CELF2: variants seen among roughly 807,000 people sequenced by gnomAD.
The protein encoded by CELF2 is CUGBP Elav-like family member 2, also known as CUG triplet repeat RNA-binding protein 2.
CELF2 carries 8 observed loss-of-function variants against 62.6 expected under a neutral mutation model. That is an observed-to-expected ratio of 0.13 (90% CI 0.07 to 0.23). CELF2 has a LOEUF of 0.23. CELF2 is among the 10% of genes least tolerant of loss of function. CELF2 has a pLI of 1.00. For synonymous variants in CELF2, 258 were observed against 250.0 expected, an observed-to-expected ratio of 1.03 and a Z score of -0.30; for missense variants, 333 against 671.0, an observed-to-expected ratio of 0.50 and a Z score of 5.56.
intron 2 of CELF2, among the ~76,000 whole-genome samples, chr10:11,196,388 G>T (rs560260164): frequency 6.6e-6 from 1 of 152,186 alleles, no homozygotes; most frequent in Non-Finnish European, 1.5e-5. Flanking sequence ...GAGGCCAGAC[G>T]TGGTGACTCA....
chr10:10,801,070 GT>G (rs1023809240), intron 1 of CELF2, among the ~76,000 whole-genome samples: 4 of 99,026 alleles, frequency 4.0e-5, no homozygotes, highest in Admixed American at 9.1e-5. Flanking sequence ...GTCTTAACCC[GT>G]TTTTAAAAAA....
At chr10:11,216,022 A>G (rs773771795) in intron 2 of CELF2, among the ~76,000 whole-genome samples, 1 of 152,226 alleles carries the variant, frequency 6.6e-6, no homozygotes, top group Non-Finnish European at 1.5e-5. Flanking sequence ...GAAAATGGTC[A>G]GTCTCTTCAG....
At position 11,243,570 on chromosome 10, in the gene CELF2, C is replaced by T. The variant is rs1306457456; in HGVS notation, c.355-5583C>T. On this transcript the variant is annotated intron_variant, in intron 3 of 12. Transcript: ENST00000633077. This position sits in a 1 kb window ranked among gnomAD's most constrained non-coding sequence, Gnocchi z 4.1. Reference sequence around the variant, plus strand: ...GGCCTTGCGTGAGAGGACCAGAGATCTCCTGTCGTCTTCCAGGCTTGCTGC... The same window carrying T: ...GGCCTTGCGTGAGAGGACCAGAGATTTCCTGTCGTCTTCCAGGCTTGCTGC... Among the ~76,000 whole-genome samples, 1 of 152,228 alleles carries T rather than the reference C, an allele frequency of 6.6e-6. No individual in the cohort carries two copies. The highest frequency in any genetic ancestry group is 2.4e-5 in the African/African-American group (1 of 41,456).
chr10:10,885,419 G>T (rs1225438315), intron 1 of CELF2, among the ~76,000 whole-genome samples: 1 of 151,506 alleles, frequency 6.6e-6, no homozygotes, highest in African/African-American at 2.4e-5. Flanking sequence ...TCTAAATCTA[G>T]AATCTAGGCT....
the CELF2 span, among the ~76,000 whole-genome samples, chr10:10,548,755 T>C: frequency 6.6e-6 from 1 of 152,200 alleles, no homozygotes; most frequent in African/African-American, 2.4e-5. Context: ...TAATTATTTT[T>C]CGTAAGTATT....
intron 2 of CELF2, among the ~76,000 whole-genome samples, chr10:10,996,906 A>G (rs773892385): frequency 2.4e-4 from 37 of 152,068 alleles, no homozygotes; most frequent in African/African-American, 7.5e-4. Context: ...ATCTTCCCCA[A>G]TGACCCTGTT....
chr10:10,949,321 G>A (rs1422721947), intron 2 of CELF2, among the ~76,000 whole-genome samples: 1 of 152,046 alleles, frequency 6.6e-6, no homozygotes, highest in Non-Finnish European at 1.5e-5. Context: ...CATGTCATGT[G>A]GATGGCACAG....
chr10:10,535,731 CAAACAA>C, the CELF2 span, among the ~76,000 whole-genome samples: 17 of 152,060 alleles, frequency 1.1e-4, no homozygotes, highest in African/African-American at 3.6e-4. Context: ...CAAAAACAAA[CAAACAA>C]AAACAAAAAC....
intron 1 of CELF2, among the ~76,000 whole-genome samples, chr10:11,087,011 G>A (rs1001553020): frequency 1.3e-5 from 2 of 152,082 alleles, no homozygotes; most frequent in Admixed American, 6.5e-5. Flanking sequence ...ACTGTGAGGC[G>A]GGTTTGAGAG....
the CELF2 span, among the ~76,000 whole-genome samples, chr10:10,603,369 G>T: frequency 3.3e-5 from 5 of 151,792 alleles, no homozygotes; most frequent in Non-Finnish European, 5.9e-5. Flanking sequence ...CATATATTTC[G>T]CATTTCTAGG....
At chr10:10,852,948 G>A (rs971987235) in intron 1 of CELF2, among the ~76,000 whole-genome samples, 1 of 152,072 alleles carries the variant, frequency 6.6e-6, no homozygotes, top group Admixed American at 6.6e-5. Flanking sequence ...AGCATGGAAG[G>A]GTTTCTGTAT....
At chr10:10,964,409 T>C (rs1162142882) in intron 2 of CELF2, among the ~76,000 whole-genome samples, 1 of 152,212 alleles carries the variant, frequency 6.6e-6, no homozygotes, top group African/African-American at 2.4e-5. Context: ...CTTTAAGATG[T>C]CATCTCGTGC....
At chr10:10,719,548 C>T in the CELF2 span, among the ~76,000 whole-genome samples, 1 of 152,164 alleles carries the variant, frequency 6.6e-6, no homozygotes, top group Non-Finnish European at 1.5e-5. Flanking sequence ...TTGTAAGAGT[C>T]AGCCACTGTG....
At chr10:11,238,616 C>T (rs1422094026) in intron 3 of CELF2, among the ~76,000 whole-genome samples, 1 of 152,216 alleles carries the variant, frequency 6.6e-6, no homozygotes, top group Non-Finnish European at 1.5e-5. Flanking sequence ...CATTGCTAAA[C>T]ACAGTGACAG....
At chr10:11,044,054 C>T (rs570651508) in intron 1 of CELF2, among the ~76,000 whole-genome samples, 10 of 152,308 alleles carry the variant, frequency 6.6e-5, no homozygotes, top group Admixed American at 3.3e-4. Flanking sequence ...GTTGTGGGCA[C>T]GGCCTTTGCG....
At chr10:10,719,955 TA>T in the CELF2 span, among the ~76,000 whole-genome samples, 1 of 152,200 alleles carries the variant, frequency 6.6e-6, no homozygotes, top group African/African-American at 2.4e-5. Flanking sequence ...CAAAGGTGGG[TA>T]ATAATATTTT....
the CELF2 span, among the ~76,000 whole-genome samples, chr10:10,494,884 G>A: frequency 1.3e-5 from 2 of 152,254 alleles, no homozygotes; most frequent in South Asian, 4.1e-4. Context: ...AATCAAGCTA[G>A]GGTGGATTGG....
chr10:11,096,561 C>G (rs1264988300), intron 1 of CELF2: 1 of 152,204 alleles, frequency 6.6e-6, no homozygotes. Context: ...GCTGCAATCT[C>G]TCAAGTCTGT....
the CELF2 span, among the ~76,000 whole-genome samples, chr10:10,538,627 G>T: frequency 1.3e-5 from 2 of 152,108 alleles, no homozygotes; most frequent in Non-Finnish European, 2.9e-5. Context: ...AGCATGGTCA[G>T]CTATCAAATT....
Sources: gnomAD v4.1 joint callset for allele counts (sites outside exome capture counted in the v4.1 genomes callset) on GRCh38, gnomAD v4.1.1 for gene constraint, Gnocchi (gnomAD v3.1) non-coding constraint, MANE v1.5 for transcripts, NCBI Gene and HGNC (gene_info 2026-07-23, HGNC 2026-07-21) for gene names.